PTPRT: variants seen among roughly 807,000 people sequenced by gnomAD.
PTPRT encodes protein tyrosine phosphatase receptor type T, also known as receptor-type tyrosine-protein phosphatase T.
A neutral mutation model predicts 176.8 loss-of-function variants in PTPRT; 56 were observed. That is an observed-to-expected ratio of 0.32 (90% CI 0.26 to 0.40). The LOEUF is 0.40. Among genes scored for constraint, PTPRT ranks in the 10% least tolerant of loss-of-function variants. The pLI is 1.00. For synonymous variants in PTPRT, 783 were observed against 739.0 expected, an observed-to-expected ratio of 1.06 and a Z score of -0.96; for missense variants, 1,540 against 1,908.2, an observed-to-expected ratio of 0.81 and a Z score of 3.60.
At chr20:42,300,609 A>G (rs1031624093) in intron 12 of PTPRT, among the ~76,000 whole-genome samples, 5 of 151,994 alleles carry the variant, frequency 3.3e-5, no homozygotes, top group African/African-American at 1.2e-4. Context: ...TAAAAGAAGA[A>G]TCTATAAATT....
In PTPRT at chr20:42,085,717, C is replaced by T. The variant is rs759599415; in HGVS notation, c.3972+11G>A. On this transcript the variant is annotated intron_variant, in intron 28 of 30. Transcript: ENST00000373187. ...GAGGGGCTCAGCAAGCAATGGCGGCCGTGTACTTACCCGGGCCATGTTACA... is the reference window on the plus strand; with the variant it reads ...GAGGGGCTCAGCAAGCAATGGCGGCTGTGTACTTACCCGGGCCATGTTACA... 2.6e-5 allele frequency: 42 copies of T among 1,613,234 alleles called. No individual in the cohort carries two copies. The Middle Eastern group carries it at 5.4e-4, about 21-fold the overall frequency.
intron 2 of PTPRT, among the ~76,000 whole-genome samples, chr20:42,801,141 G>C (rs2077524564): frequency 6.6e-6 from 1 of 152,138 alleles, no homozygotes; most frequent in Admixed American, 6.5e-5. Flanking sequence ...TGCCTGCCCT[G>C]GGGATACTAG....
At chr20:42,519,839 G>A (rs564720040) in intron 7 of PTPRT, among the ~76,000 whole-genome samples, 4 of 152,074 alleles carry the variant, frequency 2.6e-5, no homozygotes, top group African/African-American at 9.6e-5. Context: ...ACAAATTACT[G>A]AGATGTGTAA....
chr20:42,360,299 G>C (rs2058415643), intron 9 of PTPRT, among the ~76,000 whole-genome samples: 1 of 152,150 alleles, frequency 6.6e-6, no homozygotes, highest in African/African-American at 2.4e-5. Flanking sequence ...GCACCGGGCT[G>C]CTTCCCAGAC....
rs143081191 is a variant in PTPRT, at chr20:42,294,483, A to G, written c.2140-11958T>C. The stretch of plus-strand genomic sequence containing the variant: ...AAGTCAGAACCTACACCCATTCCCT[A>G]TGACATACACACAAAATCATCGACT... On this transcript the variant is annotated intron_variant, in intron 12 of 30. Transcript: ENST00000373187. 3.3e-5 allele frequency among the ~76,000 whole-genome samples: 5 copies of G among 152,276 alleles called. No homozygotes were observed. In the East Asian group the frequency reaches 9.7e-4, roughly 29 times the overall value.
chr20:42,497,993 T>G (rs762641878), intron 7 of PTPRT, among the ~76,000 whole-genome samples: 1 of 152,174 alleles, frequency 6.6e-6, no homozygotes, highest in Non-Finnish European at 1.5e-5. Context: ...AACCTTTCTT[T>G]TGTAATGTCA....
At chr20:42,071,542 T>G (rs1982334955), downstream of PTPRT, among the ~76,000 whole-genome samples, 1 of 152,224 alleles carries the variant, frequency 6.6e-6, no homozygotes, top group Non-Finnish European at 1.5e-5. Context: ...GTTGAGAAGT[T>G]TCCCTGGTGT....
chr20:43,043,423 T>G (rs935921300), intron 1 of PTPRT, among the ~76,000 whole-genome samples: 2 of 152,182 alleles, frequency 1.3e-5, no homozygotes, highest in African/African-American at 4.8e-5. Context: ...TAGTTAGTAT[T>G]AACAGATTTT....
At chr20:43,016,524 G>A (rs929017379) in intron 1 of PTPRT, among the ~76,000 whole-genome samples, 8 of 138,668 alleles carry the variant, frequency 5.8e-5, no homozygotes, top group African/African-American at 2.3e-4. Context: ...CTCTCTGTCT[G>A]CTCATTTCTC....
intron 12 of PTPRT, among the ~76,000 whole-genome samples, chr20:42,305,812 GA>G (rs1364093801): frequency 1.3e-5 from 2 of 152,172 alleles, no homozygotes; most frequent in Non-Finnish European, 2.9e-5. Flanking sequence ...CTAAGAAACG[GA>G]AAAGCCAGTT....
intron 9 of PTPRT, among the ~76,000 whole-genome samples, 161 bp from the exon 10 acceptor site, chr20:42,352,446 T>A (rs1437015116): frequency 6.6e-6 from 1 of 152,150 alleles, no homozygotes; most frequent in East Asian, 1.9e-4. Context: ...ACTTTCCAGA[T>A]GATCCCAGCC....
At chr20:42,950,825 A>G (rs1981193347) in intron 1 of PTPRT, among the ~76,000 whole-genome samples, 1 of 152,196 alleles carries the variant, frequency 6.6e-6, no homozygotes, top group African/African-American at 2.4e-5. Context: ...CTTGTATTTG[A>G]ATTGCTCATG....
chr20:42,975,648 G>A (rs1301689499), intron 1 of PTPRT, among the ~76,000 whole-genome samples: 1 of 152,010 alleles, frequency 6.6e-6, no homozygotes, highest in Non-Finnish European at 1.5e-5. Flanking sequence ...TTCTCACTAC[G>A]CCTATACCCA....
intron 1 of PTPRT, among the ~76,000 whole-genome samples, chr20:43,046,086 T>G (rs748426411): frequency 4.6e-5 from 7 of 152,026 alleles, no homozygotes; most frequent in Admixed American, 6.6e-5. Flanking sequence ...CAGGCCACAC[T>G]AAGATTTTAT....
chr20:42,382,573 C>T (rs2058707247), intron 9 of PTPRT, among the ~76,000 whole-genome samples: 1 of 152,030 alleles, frequency 6.6e-6, no homozygotes, highest in Non-Finnish European at 1.5e-5. Flanking sequence ...TGGAGAGTGT[C>T]ATGGAGATGG....
At position 42,074,621 on chromosome 20, in the gene PTPRT, T is replaced by G. The variant is rs2146051398; in HGVS notation, c.*6258A>C. The G allele has an allele frequency of 2.5e-6, 1 of 396,286 alleles. No homozygotes were observed. Among genetic ancestry groups the G allele is most frequent in the South Asian group, 1.4e-4 (1 of 7,060 alleles). 24.5% of individuals were successfully genotyped at this position (396,286 alleles called of 1,614,324 possible). A position where few individuals can be genotyped will look rare whatever the true frequency, so the allele number is the denominator to read the frequency against. ...TTTCTTTCATCCTGAGCCCTTGCAC[T>G]TCCCTTGTATCTGCCCCAGTGGACC... On this transcript the variant is annotated 3_prime_UTR_variant, in exon 31 of 31. Transcript: ENST00000373187.
At chr20:43,024,071 G>A (rs1268467244) in intron 1 of PTPRT, among the ~76,000 whole-genome samples, 1 of 152,146 alleles carries the variant, frequency 6.6e-6, no homozygotes, top group Non-Finnish European at 1.5e-5. Context: ...AGCACAGTGA[G>A]TATGAGCACC....
At chr20:42,573,025 C>G (rs8116811) in intron 7 of PTPRT, among the ~76,000 whole-genome samples, 10,749 of 148,362 alleles carry the variant, frequency 0.072, 537 homozygotes, top group African/African-American at 0.14. Context: ...GGACCCATGT[C>G]TGTTTTGTTT....
intron 9 of PTPRT, among the ~76,000 whole-genome samples, chr20:42,372,882 C>T (rs1439609459): frequency 6.6e-6 from 1 of 152,152 alleles, no homozygotes; most frequent in Non-Finnish European, 1.5e-5. Context: ...CTTGGACCTC[C>T]CAGCCTCCAG....
Sources: gnomAD v4.1 joint callset for allele counts (sites outside exome capture counted in the v4.1 genomes callset) on GRCh38, gnomAD v4.1.1 for gene constraint, MANE v1.5 for transcripts, NCBI Gene and HGNC (gene_info 2026-07-23, HGNC 2026-07-21) for gene names.